Variants in TLL1 observed in about 807,000 individuals in gnomAD.
TLL1 encodes tolloid-like protein 1.
Under a neutral mutation model 128.2 loss-of-function variants are expected in TLL1, and 49 were observed. The ratio of observed to expected loss-of-function variants is 0.38; its 90% CI spans 0.30 to 0.48. The LOEUF (loss-of-function observed/expected upper bound fraction) is 0.48, where lower values mean the gene tolerates loss of function less well. Ranked by LOEUF, TLL1 falls within the 20% of genes least tolerant of loss-of-function variation. The pLI, the probability that TLL1 is intolerant of heterozygous loss-of-function variation, is 0.96. For missense variants in TLL1, 1,123 were observed against 1,242.0 expected (o/e 0.90, Z 1.44); for synonymous variants, 454 against 418.8 (o/e 1.08, Z -1.03).
At chr4:166,057,652 T>C (rs1294576255) in intron 14 of TLL1, among the ~76,000 whole-genome samples, 7 of 152,174 alleles carry the variant, frequency 4.6e-5, no homozygotes, top group Admixed American at 2.0e-4. Flanking sequence ...AGAGATTTAA[T>C]GGACTCACAG....
intron 12 of TLL1, 76 bp downstream of exon 12, chr4:166,043,495 A>G (rs1739328849): frequency 1.9e-6 from 3 of 1,595,828 alleles, no homozygotes; most frequent in Non-Finnish European, 1.7e-6. Flanking sequence ...TCCTCATTAA[A>G]TCAGCAAAGA....
intron 1 of TLL1, among the ~76,000 whole-genome samples, chr4:165,982,043 G>A (rs1309729315): frequency 6.6e-6 from 1 of 151,988 alleles, no homozygotes; most frequent in Admixed American, 6.6e-5. Flanking sequence ...TCTGTTATCA[G>A]TGCTAACAGA....
At chr4:165,984,105 A>C (rs1465033719) in intron 1 of TLL1, among the ~76,000 whole-genome samples, 1 of 151,846 alleles carries the variant, frequency 6.6e-6, no homozygotes, top group East Asian at 1.9e-4. Context: ...AAAATAATGG[A>C]CTGCAGATAC....
At chr4:165,899,182 A>C (rs757288351) in intron 1 of TLL1, among the ~76,000 whole-genome samples, 1 of 151,264 alleles carries the variant, frequency 6.6e-6, no homozygotes, top group Non-Finnish European at 1.5e-5. Context: ...TCCTGGATTC[A>C]TTGATTTTTT....
At chr4:166,052,994 G>T (rs1042397503) in intron 12 of TLL1, among the ~76,000 whole-genome samples, 9 of 78,938 alleles carry the variant, frequency 1.1e-4, no homozygotes, top group Non-Finnish European at 2.4e-4. Context: ...TGGCCAAATT[G>T]GGCTTGTCAC....
intron 1 of TLL1, among the ~76,000 whole-genome samples, chr4:165,893,753 A>C (rs1731524137): frequency 6.6e-6 from 1 of 151,958 alleles, no homozygotes; most frequent in Admixed American, 6.6e-5. Context: ...TAATTTATTG[A>C]GCGTCACATA....
chr4:165,980,558 A>G (rs1226155741), intron 1 of TLL1, among the ~76,000 whole-genome samples: 1 of 152,156 alleles, frequency 6.6e-6, no homozygotes, highest in African/African-American at 2.4e-5. Context: ...AGTTGTATGT[A>G]GTTAGCACCA....
Position 166,084,552 on chromosome 4 carries a change from G to T in TLL1, c.2442+6522G>T, listed in dbSNP as rs552571685. ...TACGTCTTTAATTCATTTAGAATTG[G>T]TTTTTCAATATGGCGTGACATATGG... On this transcript the variant is annotated intron_variant, in intron 18 of 20. Transcript: ENST00000061240. Among the ~76,000 whole-genome samples, 46 of 152,172 alleles carry T rather than the reference G, an allele frequency of 3.0e-4. No homozygotes were observed. In the South Asian group the frequency reaches 9.6e-3, roughly 32 times the overall value.
intron 1 of TLL1, among the ~76,000 whole-genome samples, chr4:165,980,331 ACT>A (rs1440978309): frequency 6.6e-6 from 1 of 151,696 alleles, no homozygotes; most frequent in Non-Finnish European, 1.5e-5. Context: ...CAAGTTTCTG[ACT>A]CTGCAAGGCT....
chr4:166,023,813 T>G (rs936923438), intron 8 of TLL1, among the ~76,000 whole-genome samples: 2 of 152,204 alleles, frequency 1.3e-5, no homozygotes, highest in African/African-American at 4.8e-5. Context: ...TTTAATTTAT[T>G]TAATTGTACT....
chr4:166,071,897 A>G lies in TLL1; in HGVS notation c.2189-2981A>G, dbSNP rs533015446. On this transcript the variant is annotated intron_variant, in intron 16 of 20. Transcript: ENST00000061240. ...TCCCGTTCAAACAAGTGGTTTTAAA[A>G]CAACCACACCATATTTACTACTCCG... 3.3e-5 allele frequency among the ~76,000 whole-genome samples: 5 copies of G among 152,150 alleles called. No homozygotes were observed. In the South Asian group the frequency reaches 1.0e-3, roughly 32 times the overall value.
intron 3 of TLL1, among the ~76,000 whole-genome samples, chr4:165,993,401 G>T (rs547085233): frequency 9.3e-4 from 142 of 152,096 alleles, no homozygotes; most frequent in African/African-American, 3.4e-3. Context: ...AGTATTGAAT[G>T]TATTAAAAAT....
At chr4:165,997,149 CATG>C (rs1027604345) in intron 5 of TLL1, among the ~76,000 whole-genome samples, 4 of 151,992 alleles carry the variant, frequency 2.6e-5, no homozygotes, top group Admixed American at 1.3e-4. Context: ...CATCATATTT[CATG>C]ATGATTTTTC....
intron 9 of TLL1, among the ~76,000 whole-genome samples, chr4:166,029,989 A>G (rs907158857): frequency 2.0e-5 from 3 of 152,062 alleles, no homozygotes; most frequent in Admixed American, 2.0e-4. Flanking sequence ...GTTTTCAAGT[A>G]TTTTGATTAT....
intron 15 of TLL1, 52 bp from the exon 16 acceptor site, chr4:166,065,631 C>A: frequency 6.4e-7 from 1 of 1,563,340 alleles, no homozygotes; most frequent in Non-Finnish European, 8.8e-7. Context: ...AGATAAATGT[C>A]AATCATCTTG....
chr4:165,960,207 A>T (rs75805924), intron 1 of TLL1, among the ~76,000 whole-genome samples: 2,066 of 152,208 alleles, frequency 0.014, 40 homozygotes, highest in East Asian at 0.067. Context: ...TGAAACTCCT[A>T]TGTTCACAAA....
At chr4:166,060,290 C>CAAAGAAAGA in intron 15 of TLL1, 102 bp downstream of exon 15, 1 of 1,272,932 alleles carries the variant, frequency 7.9e-7, no homozygotes, top group Non-Finnish European at 1.1e-6. Flanking sequence ...ATAGTATAGA[C>CAAAGAAAGA]ATTGTATTCT....
In TLL1 at chr4:166,043,609, G is replaced by A. The variant is rs538485625; in HGVS notation, c.1524+190G>A. Among the ~76,000 whole-genome samples the A allele has an allele frequency of 2.3e-4, 35 of 152,236 alleles. No individual in the cohort carries two copies. The South Asian group carries it at 6.8e-3, about 30-fold the overall frequency. On this transcript the variant is annotated intron_variant, in intron 12 of 20. Transcript: ENST00000061240. ...TTTTCTTCTTTCCTCGTTTGGAGAC[G>A]TTTTCAAGAAGATTAAAGTGAGTTT... is the stretch of plus-strand genomic sequence containing the variant.
At chr4:166,050,643 A>G (rs976914108) in intron 12 of TLL1, among the ~76,000 whole-genome samples, 13 of 152,178 alleles carry the variant, frequency 8.5e-5, no homozygotes, top group Non-Finnish European at 8.8e-5. Context: ...TATCAAATGA[A>G]GGCAAGCATG....
Sources: gnomAD v4.1 joint callset for allele counts (sites outside exome capture counted in the v4.1 genomes callset) on GRCh38, gnomAD v4.1.1 for gene constraint, MANE v1.5 for transcripts, NCBI Gene and HGNC (gene_info 2026-07-23, HGNC 2026-07-21) for gene names.